The following CCDC68 variants were observed in gnomAD, a reference collection of about 807,000 sequenced individuals.
CCDC68 encodes the protein coiled-coil domain containing 68.
Under a neutral mutation model 47.1 loss-of-function variants are expected in CCDC68, and 45 were observed. The observed-to-expected ratio is 0.96, with a 90% confidence interval of 0.75 to 1.23. The LOEUF is 1.23. Among genes scored for constraint, CCDC68 ranks in the 50% most tolerant of loss-of-function variants. CCDC68 has a pLI of 0.00. For missense variants in CCDC68, 353 were observed against 373.6 expected (o/e 0.94, Z 0.45); for synonymous variants, 131 against 129.5 (o/e 1.01, Z -0.08).
At chr18:54,946,988 T>C (rs1258496187) in intron 1 of CCDC68, among the ~76,000 whole-genome samples, 1 of 152,228 alleles carries the variant, frequency 6.6e-6, no homozygotes, top group African/African-American at 2.4e-5. Context: ...ACTGTATCCA[T>C]ATGAAATTAA....
At chr18:54,945,781 G>C (rs1206653925) in intron 1 of CCDC68, among the ~76,000 whole-genome samples, 1 of 152,206 alleles carries the variant, frequency 6.6e-6, no homozygotes, top group African/African-American at 2.4e-5. Flanking sequence ...ACTGTGAATG[G>C]AAGTACGTCT....
At position 54,907,788 on chromosome 18, in the gene CCDC68, T is replaced by C; in HGVS notation, c.948A>G (p.Thr316=). Residue 316 remains threonine, a splice_region_variant and synonymous_variant, in exon 11 of 12, where the codon ACA becomes ACG. Transcript: ENST00000591504. The part of the protein sequence containing the change: ...PRTKVSKAVS[T]SELKTEGVSP... ...GTGGAAGAGGACAGAGACCTTACCT[T>C]GTAGAGACAGCCTTAGATACCTTTG... The C allele has an allele frequency of 6.3e-7, 1 of 1,577,368 alleles. No individual in the cohort carries two copies. The highest frequency in any genetic ancestry group is 8.7e-7 in the Non-Finnish European group (1 of 1,146,480).
Position 54,951,166 on chromosome 18 carries a change from C to T in CCDC68, c.-102-5689G>A, listed in dbSNP as rs913261536. 7.9e-5 allele frequency among the ~76,000 whole-genome samples: 12 copies of T among 151,614 alleles called. 1 individual carries two copies. The highest frequency in any genetic ancestry group is 2.4e-4 in the African/African-American group (10 of 41,118). On this transcript the variant is annotated intron_variant, in intron 1 of 11. Transcript: ENST00000591504. ...CTCGTGATCCGCCCGCCTCGGCCTC[C>T]CAAAGTGCTGGGATTACAGGCGTGA...
chr18:54,941,534 C>T (rs1397632499), intron 3 of CCDC68, among the ~76,000 whole-genome samples: 1 of 151,952 alleles, frequency 6.6e-6, no homozygotes, highest in Non-Finnish European at 1.5e-5. Context: ...AGAATAATTA[C>T]TGAGAGATCA....
intron 8 of CCDC68, among the ~76,000 whole-genome samples, chr18:54,925,288 C>T (rs2044126857): frequency 1.3e-5 from 2 of 152,032 alleles, no homozygotes; most frequent in African/African-American, 4.8e-5. Flanking sequence ...TAATTTTTTT[C>T]TAATTTAAGT....
chr18:54,917,861 A>T (rs1422620303), intron 10 of CCDC68, 52 bp downstream of exon 10: 16 of 932,000 alleles, frequency 1.7e-5, no homozygotes, highest in Non-Finnish European at 2.6e-5. Flanking sequence ...ACACACACAC[A>T]CACACACACT....
At chr18:54,937,859 G>T in intron 5 of CCDC68, 98 bp downstream of exon 5, 1 of 1,011,066 alleles carries the variant, frequency 9.9e-7, no homozygotes, top group South Asian at 1.8e-5. Context: ...GGATGTGTGT[G>T]GACATCTCTC....
At chr18:54,937,013 G>C in intron 5 of CCDC68, 55 bp from the exon 6 acceptor site, 1 of 1,594,676 alleles carries the variant, frequency 6.3e-7, no homozygotes. Context: ...AGTGTTAAAG[G>C]CAGAACAGTT....
intron 7 of CCDC68, among the ~76,000 whole-genome samples, chr18:54,932,801 C>T (rs1179378336): frequency 6.6e-6 from 1 of 152,190 alleles, no homozygotes; most frequent in African/African-American, 2.4e-5. Context: ...TTTGACTGGG[C>T]TTTCAGCCTC....
Position 54,936,946 on chromosome 18 carries a change from T to C in CCDC68, c.358A>G (p.Arg120Gly). 6.2e-7 allele frequency: 1 copy of C among 1,614,178 alleles called. No individual in the cohort carries two copies. Among genetic ancestry groups the C allele is most frequent in the Non-Finnish European group, 8.5e-7 (1 of 1,180,012 alleles). ...EVLKIKLQAS[R>G]EAGAAALRNV... is the part of the protein sequence containing the mutation. The stretch of plus-strand genomic sequence containing the variant: ...CTCAGAGCTGCTGCTCCTGCTTCTC[T>C]GGAGGCTTGCAGCTAGAAAAAAGGT... Residue 120 changes from arginine (R) to glycine (G), a missense_variant, in exon 6 of 12, where the codon AGA (arginine) becomes GGA (glycine). Arg to Gly is a moderately radical substitution (Grantham distance 125). Coordinates refer to ENST00000591504, the MANE Select transcript of CCDC68 (RefSeq NM_025214.3).
At chr18:54,938,130 C>CT in intron 4 of CCDC68, 33 bp from the exon 5 acceptor site, 1 of 1,579,566 alleles carries the variant, frequency 6.3e-7, no homozygotes, top group Non-Finnish European at 8.6e-7. Flanking sequence ...ATAGACCTGA[C>CT]TATCTTTTCC....
At chr18:54,934,117 T>C (rs1033147044) in intron 7 of CCDC68, among the ~76,000 whole-genome samples, 4 of 152,246 alleles carry the variant, frequency 2.6e-5, no homozygotes, top group Non-Finnish European at 4.4e-5. Context: ...GTTTCAGAGA[T>C]GCCAGTTTTC....
chr18:54,921,254 T>C (rs1199816404), intron 8 of CCDC68, among the ~76,000 whole-genome samples: 1 of 152,146 alleles, frequency 6.6e-6, no homozygotes, highest in Non-Finnish European at 1.5e-5. Context: ...GCTGGCTACC[T>C]AGGTGACAGA....
At position 54,956,676 on chromosome 18, in the gene CCDC68, C is replaced by A. The variant is rs116795811; in HGVS notation, c.-103+2660G>T. Among the ~76,000 whole-genome samples the A allele has an allele frequency of 5.9e-5, 9 of 152,206 alleles. No homozygotes were observed. The South Asian group carries it at 1.0e-3, about 18-fold the overall frequency. On this transcript the variant is annotated intron_variant, in intron 1 of 11. Coordinates refer to ENST00000591504, the MANE Select transcript of CCDC68 (RefSeq NM_025214.3). Reference sequence around the variant, plus strand: ...CAGATGCTAAAGACTATATATTGTACGATTCCATCTGTATGAAATGTCCAG... The same window carrying A: ...CAGATGCTAAAGACTATATATTGTAAGATTCCATCTGTATGAAATGTCCAG...
chr18:54,936,277 A>AAC (rs1356199824), intron 6 of CCDC68, among the ~76,000 whole-genome samples: 1 of 145,942 alleles, frequency 6.9e-6, no homozygotes, highest in Non-Finnish European at 1.5e-5. Flanking sequence ...ATAGTTATAT[A>AAC]TTTTTAAATA....
chr18:54,924,887 T>G (rs1035394855), intron 8 of CCDC68, among the ~76,000 whole-genome samples: 8 of 152,134 alleles, frequency 5.3e-5, no homozygotes, highest in African/African-American at 1.9e-4. Context: ...TGCCCTCTGT[T>G]CCCCCCTGTT....
At chr18:54,953,555 G>T (rs1444034820) in intron 1 of CCDC68, among the ~76,000 whole-genome samples, 42 of 151,494 alleles carry the variant, frequency 2.8e-4, no homozygotes, top group East Asian at 1.4e-3. Flanking sequence ...TATATATAGA[G>T]AGAGAGAGAT....
At position 54,953,222 on chromosome 18, in the gene CCDC68, T is replaced by C. The variant is rs75230873; in HGVS notation, c.-103+6114A>G. 2.2e-3 allele frequency among the ~76,000 whole-genome samples: 330 copies of C among 152,262 alleles called. 1 individual carries two copies. Among genetic ancestry groups the C allele is most frequent in the Middle Eastern group, 6.8e-3 (2 of 294 alleles). The stretch of plus-strand genomic sequence containing the variant: ...ACAGGTTAACTACAAAAGGAACACA[T>C]AGGACTTTGGAGTGGGGGAATATAT... On this transcript the variant is annotated intron_variant, in intron 1 of 11. Coordinates refer to ENST00000591504, the MANE Select transcript of CCDC68 (RefSeq NM_025214.3).
chr18:54,927,439 T>C (rs2044164993), intron 8 of CCDC68, among the ~76,000 whole-genome samples: 1 of 152,160 alleles, frequency 6.6e-6, no homozygotes, highest in African/African-American at 2.4e-5. Flanking sequence ...TCACCAATTT[T>C]TTTTAAAACA....
Sources: gnomAD v4.1 joint callset for allele counts (sites outside exome capture counted in the v4.1 genomes callset) on GRCh38, gnomAD v4.1.1 for gene constraint, MANE v1.5 for transcripts, NCBI Gene and HGNC (gene_info 2026-07-23, HGNC 2026-07-21) for gene names.